SPAG16: variants seen among roughly 807,000 people sequenced by gnomAD.
The protein encoded by SPAG16 is sperm-associated antigen 16 protein.
SPAG16 carries 86 observed loss-of-function variants against 80.4 expected under a neutral mutation model. That is an observed-to-expected ratio of 1.07 (90% CI 0.90 to 1.28). The LOEUF (loss-of-function observed/expected upper bound fraction) is 1.28, where lower values mean the gene tolerates loss of function less well. SPAG16 is among the 50% of genes most tolerant of loss of function. SPAG16 has a pLI of 0.00. For missense variants in SPAG16, 870 were observed against 765.3 expected, an observed-to-expected ratio of 1.14 and a Z score of -1.61; for synonymous variants, 294 against 265.9, an observed-to-expected ratio of 1.11 and a Z score of -1.03.
At chr2:213,520,461 G>T (rs1467026166) in intron 10 of SPAG16, among the ~76,000 whole-genome samples, 1 of 152,048 alleles carries the variant, frequency 6.6e-6, no homozygotes, top group Non-Finnish European at 1.5e-5. Flanking sequence ...GGGCGTGGTG[G>T]TGGGCACCTG....
intron 7 of SPAG16, among the ~76,000 whole-genome samples, chr2:213,351,277 A>G (rs963375334): frequency 2.0e-5 from 3 of 152,228 alleles, no homozygotes; most frequent in Admixed American, 1.3e-4. Context: ...AGCTATAAAC[A>G]TTAACCTTAG....
At position 214,250,515 on chromosome 2, in the gene SPAG16, A is replaced by G. The variant is rs190576088; in HGVS notation, c.1720+101249A>G. Among the ~76,000 whole-genome samples the G allele has an allele frequency of 8.1e-4, 122 of 150,754 alleles. 2 individuals carry two copies. The Middle Eastern group carries it at 0.011, about 14-fold the overall frequency. On this transcript the variant is annotated intron_variant, in intron 15 of 15. Coordinates refer to ENST00000331683, the MANE Select transcript of SPAG16 (RefSeq NM_024532.5). ...AATTCAATATTTTAGTATGTACAGA[A>G]GGAAGAAAACAAGTTAAAAGCTTTC...
chr2:214,207,013 A>T (rs1388203003), intron 15 of SPAG16, among the ~76,000 whole-genome samples: 1 of 152,210 alleles, frequency 6.6e-6, no homozygotes, highest in Non-Finnish European at 1.5e-5. Flanking sequence ...ATTAAAGTTG[A>T]TCCTAATATA....
intron 13 of SPAG16, among the ~76,000 whole-genome samples, chr2:214,069,263 G>T (rs150822655): frequency 1.3e-5 from 2 of 152,166 alleles, no homozygotes; most frequent in South Asian, 4.1e-4. Context: ...CCATTGAAAG[G>T]GTTTAATTTT....
At chr2:213,469,149 C>G (rs1309902252) in intron 9 of SPAG16, among the ~76,000 whole-genome samples, 3 of 152,138 alleles carry the variant, frequency 2.0e-5, no homozygotes, top group Non-Finnish European at 4.4e-5. Context: ...TTAACCATCA[C>G]AAGTCAACCC....
At chr2:213,631,823 A>G (rs1332970548) in intron 10 of SPAG16, among the ~76,000 whole-genome samples, 1 of 149,580 alleles carries the variant, frequency 6.7e-6, no homozygotes, top group Non-Finnish European at 1.5e-5. Flanking sequence ...TAGGTTTTCT[A>G]TTTTGTTCTA....
At position 213,924,101 on chromosome 2, in the gene SPAG16, G is replaced by A. The variant is rs143519373; in HGVS notation, c.1215-5859G>A. On this transcript the variant is annotated intron_variant, in intron 11 of 15. Transcript: ENST00000331683. ...GACTGATGGGCTAGAAGCTGGTGCTGAGCCCCATCTGGCAAGGGGGTGGGT... is the reference window on the plus strand; with the variant it reads ...GACTGATGGGCTAGAAGCTGGTGCTAAGCCCCATCTGGCAAGGGGGTGGGT... 1,364 of 152,316 alleles carry A rather than the reference G, an allele frequency of 9.0e-3. 9 individuals are homozygous for A. The highest frequency in any genetic ancestry group is 0.014 in the Non-Finnish European group (970 of 68,140). The allele number at this position is 152,316 out of a possible 1,614,324, so 9.4% of individuals were successfully genotyped here.
At chr2:213,548,472 A>G (rs2125935613) in intron 10 of SPAG16, among the ~76,000 whole-genome samples, 1 of 152,282 alleles carries the variant, frequency 6.6e-6, no homozygotes, top group South Asian at 2.1e-4. Flanking sequence ...CGGCCTTCCA[A>G]AGTGCTGGGA....
chr2:213,723,193 A>T (rs1330005620), intron 10 of SPAG16, among the ~76,000 whole-genome samples: 1 of 152,146 alleles, frequency 6.6e-6, no homozygotes, highest in African/African-American at 2.4e-5. Flanking sequence ...TTATAATTAG[A>T]TAAGCATTCT....
At chr2:213,383,426 T>G (rs2067277528) in intron 9 of SPAG16, among the ~76,000 whole-genome samples, 1 of 152,144 alleles carries the variant, frequency 6.6e-6, no homozygotes, top group Non-Finnish European at 1.5e-5. Flanking sequence ...TCTTATGGGT[T>G]GTCTTGGATG....
chr2:214,084,311 C>T (rs2051574313), intron 13 of SPAG16, among the ~76,000 whole-genome samples: 2 of 151,942 alleles, frequency 1.3e-5, no homozygotes, highest in Admixed American at 6.5e-5. Context: ...CAAACAAAGC[C>T]AGGAACTAAA....
At chr2:213,287,066 A>T (rs146607360) in intron 1 of SPAG16, among the ~76,000 whole-genome samples, 1 of 152,198 alleles carries the variant, frequency 6.6e-6, no homozygotes, top group South Asian at 2.1e-4. Context: ...GACTTCAACA[A>T]GGTGAGATAC....
chr2:214,276,885 T>C (rs1692508041), intron 15 of SPAG16, among the ~76,000 whole-genome samples: 1 of 152,140 alleles, frequency 6.6e-6, no homozygotes, highest in Non-Finnish European at 1.5e-5. Context: ...CTGCAGAGTG[T>C]TTTCCAACTT....
intron 12 of SPAG16, among the ~76,000 whole-genome samples, chr2:213,935,751 T>C (rs556981694): frequency 1.0e-3 from 157 of 152,330 alleles, no homozygotes; most frequent in African/African-American, 3.6e-3. Flanking sequence ...GTTAAGCTGA[T>C]GGAATAAAAA....
At chr2:214,121,156 A>G (rs182223568) in intron 14 of SPAG16, among the ~76,000 whole-genome samples, 76 of 151,956 alleles carry the variant, frequency 5.0e-4, no homozygotes, top group African/African-American at 1.7e-3. Context: ...ATTTTACCCA[A>G]TATCTCCACT....
At chr2:213,641,985 C>T (rs2062609438) in intron 10 of SPAG16, among the ~76,000 whole-genome samples, 2 of 152,166 alleles carry the variant, frequency 1.3e-5, no homozygotes, top group Non-Finnish European at 2.9e-5. Flanking sequence ...ATCATGAGAA[C>T]AGCATGGGGA....
chr2:214,122,610 GTGAT>G (rs1246150022), intron 14 of SPAG16, among the ~76,000 whole-genome samples: 2 of 151,864 alleles, frequency 1.3e-5, no homozygotes, highest in Non-Finnish European at 2.9e-5. Context: ...AGGTCATACA[GTGAT>G]TGATCCCCTG....
intron 10 of SPAG16, among the ~76,000 whole-genome samples, chr2:213,678,623 TA>T (rs2064222028): frequency 6.6e-6 from 1 of 152,140 alleles, no homozygotes; most frequent in Non-Finnish European, 1.5e-5. Flanking sequence ...ACTCCCTTGG[TA>T]TTTCACTTTC....
chr2:213,656,441 G>C (rs1010216293), intron 10 of SPAG16, among the ~76,000 whole-genome samples: 1 of 152,216 alleles, frequency 6.6e-6, no homozygotes. Context: ...TTACAGGCGT[G>C]AGCCACCGCA....
Sources: gnomAD v4.1 joint callset for allele counts (sites outside exome capture counted in the v4.1 genomes callset) on GRCh38, gnomAD v4.1.1 for gene constraint, MANE v1.5 for transcripts, NCBI Gene and HGNC (gene_info 2026-07-23, HGNC 2026-07-21) for gene names.